The following OPCML variants were observed in gnomAD, a reference collection of about 807,000 sequenced individuals.
OPCML encodes opioid binding protein/cell adhesion molecule like.
OPCML carries 13 observed loss-of-function variants against 37.8 expected under a neutral mutation model. The ratio of observed to expected loss-of-function variants is 0.34; its 90% CI spans 0.22 to 0.55. The LOEUF (loss-of-function observed/expected upper bound fraction) is 0.55. Among genes scored for constraint, OPCML ranks in the 20% least tolerant of loss-of-function variants. The pLI, the probability that OPCML is intolerant of heterozygous loss-of-function variation, is 0.91. For missense variants in OPCML, 341 were observed against 435.6 expected, an observed-to-expected ratio of 0.78 and a Z score of 1.93; for synonymous variants, 176 against 168.8, an observed-to-expected ratio of 1.04 and a Z score of -0.33.
rs115386795 is a variant in OPCML at position 133,322,605 on chromosome 11, A to T, written c.61+209659T>A. Among the ~76,000 whole-genome samples the T allele has an allele frequency of 9.3e-3, 1,409 of 152,300 alleles. 27 individuals carry two copies. The highest frequency in any genetic ancestry group is 0.032 in the African/African-American group (1,323 of 41,556). On this transcript the variant is annotated intron_variant, in intron 1 of 7. Coordinates refer to ENST00000524381, the MANE Select transcript of OPCML (RefSeq NM_001012393.5). ...AAGATCAGAACAACCACAAAAAAAA[A>T]GACTGGGTTTTAGGCACTTGAGGAA...
At chr11:133,366,237 T>C (rs2136736130) in intron 1 of OPCML, among the ~76,000 whole-genome samples, 1 of 152,294 alleles carries the variant, frequency 6.6e-6, no homozygotes, top group South Asian at 2.1e-4. Context: ...CGAATACAAA[T>C]CCTGCTGTGA....
chr11:132,760,359 T>G (rs979290808), intron 2 of OPCML, among the ~76,000 whole-genome samples: 1 of 152,134 alleles, frequency 6.6e-6, no homozygotes, highest in Non-Finnish European at 1.5e-5. Context: ...TTTTTGTTAA[T>G]TTTCTGTCTC....
chr11:132,662,734 C>T (rs1029759598), intron 2 of OPCML, among the ~76,000 whole-genome samples: 1 of 152,220 alleles, frequency 6.6e-6, no homozygotes, highest in African/African-American at 2.4e-5. Flanking sequence ...ATGTTTATAA[C>T]TCTAAAGTTG....
At chr11:132,754,981 T>C (rs1373022668) in intron 2 of OPCML, among the ~76,000 whole-genome samples, 1 of 152,196 alleles carries the variant, frequency 6.6e-6, no homozygotes, top group Non-Finnish European at 1.5e-5. Context: ...ACAAGCTTTG[T>C]ACCACACTAA....
intron 2 of OPCML, among the ~76,000 whole-genome samples, chr11:132,714,526 G>A (rs190180299): frequency 3.3e-5 from 5 of 152,304 alleles, no homozygotes; most frequent in East Asian, 1.9e-4. Flanking sequence ...GGCAGAGCAC[G>A]CAATGCCGCA....
At chr11:132,753,136 C>G (rs1480643636) in intron 2 of OPCML, among the ~76,000 whole-genome samples, 1 of 152,138 alleles carries the variant, frequency 6.6e-6, no homozygotes, top group African/African-American at 2.4e-5. Flanking sequence ...CCATTCACTA[C>G]TCCCCCTCCC....
At chr11:132,880,574 A>G (rs1283126341) in intron 2 of OPCML, among the ~76,000 whole-genome samples, 1 of 152,246 alleles carries the variant, frequency 6.6e-6, no homozygotes, top group Non-Finnish European at 1.5e-5. Flanking sequence ...AGCCCTGGCT[A>G]AGGCCATGGA....
At chr11:133,288,064 G>C (rs1198723976) in intron 1 of OPCML, among the ~76,000 whole-genome samples, 1 of 152,138 alleles carries the variant, frequency 6.6e-6, no homozygotes, top group African/African-American at 2.4e-5. Flanking sequence ...CTGAGAACTT[G>C]GATGGATTCT....
intron 4 of OPCML, among the ~76,000 whole-genome samples, chr11:132,524,653 C>T (rs891260647): frequency 2.6e-5 from 4 of 152,184 alleles, no homozygotes; most frequent in African/African-American, 9.7e-5. Flanking sequence ...TAACATCCAG[C>T]TTTCCTCAAA....
At chr11:132,609,340 A>G (rs1289935408) in intron 3 of OPCML, among the ~76,000 whole-genome samples, 5 of 152,346 alleles carry the variant, frequency 3.3e-5, no homozygotes, top group African/African-American at 1.2e-4. Flanking sequence ...TAATGTGAAT[A>G]CTTGACCTCA....
At chr11:133,444,460 G>C (rs1416798206) in intron 1 of OPCML, among the ~76,000 whole-genome samples, 5 of 152,156 alleles carry the variant, frequency 3.3e-5, no homozygotes. Flanking sequence ...TTGAGAGACT[G>C]AGTTAGTTAT....
intron 1 of OPCML, among the ~76,000 whole-genome samples, chr11:133,479,069 G>A (rs1225116080): frequency 2.0e-5 from 3 of 152,166 alleles, no homozygotes; most frequent in Admixed American, 6.5e-5. Flanking sequence ...TAAAGGATAC[G>A]TAAAATGACT....
intron 1 of OPCML, among the ~76,000 whole-genome samples, chr11:133,250,171 G>T (rs1275861655): frequency 6.6e-6 from 1 of 152,180 alleles, no homozygotes; most frequent in Non-Finnish European, 1.5e-5. Flanking sequence ...TAATAAGTAT[G>T]TTTAGTTTTT....
intron 1 of OPCML, among the ~76,000 whole-genome samples, chr11:133,345,248 T>C (rs1047375876): frequency 5.3e-5 from 8 of 152,224 alleles, no homozygotes; most frequent in Admixed American, 2.0e-4. Flanking sequence ...TATGGGAAAG[T>C]ATTCCCACTA....
intron 1 of OPCML, among the ~76,000 whole-genome samples, chr11:133,458,330 A>G (rs1732871628): frequency 7.8e-5 from 1 of 12,744 alleles, no homozygotes; most frequent in Admixed American, 7.6e-4. Flanking sequence ...GTGTGTGTAT[A>G]TATATACACA....
chr11:132,877,724 A>G (rs781280606), intron 2 of OPCML, among the ~76,000 whole-genome samples: 1 of 152,120 alleles, frequency 6.6e-6, no homozygotes, highest in African/African-American at 2.4e-5. Context: ...ACTCTACCCT[A>G]TCCTAGACTT....
intron 1 of OPCML, among the ~76,000 whole-genome samples, chr11:133,350,104 T>G (rs1944098220): frequency 1.3e-5 from 2 of 152,204 alleles, no homozygotes; most frequent in African/African-American, 4.8e-5. Context: ...TGACTTAATT[T>G]CTTTTTCTCA....
chr11:133,093,158 T>C (rs1948939038), intron 1 of OPCML, among the ~76,000 whole-genome samples: 1 of 152,148 alleles, frequency 6.6e-6, no homozygotes, highest in Admixed American at 6.5e-5. Context: ...TGTGAGATTT[T>C]GGTGTACCCA....
At chr11:133,182,756 T>C (rs1276868413) in intron 1 of OPCML, among the ~76,000 whole-genome samples, 1 of 152,068 alleles carries the variant, frequency 6.6e-6, no homozygotes, top group African/African-American at 2.4e-5. Context: ...GGGGATGAGT[T>C]TCGCAAGGCT....
Sources: allele counts gnomAD v4.1 joint callset (sites outside exome capture counted in the v4.1 genomes callset), GRCh38; gene constraint gnomAD v4.1.1; transcripts MANE v1.5; gene names NCBI Gene and HGNC (gene_info 2026-07-23, HGNC 2026-07-21).